Variants in TTC28 observed in about 807,000 individuals in gnomAD.
The protein encoded by TTC28 is tetratricopeptide repeat domain 28.
A neutral mutation model predicts 198.0 loss-of-function variants in TTC28; 61 were observed. That is an observed-to-expected ratio of 0.31 (90% CI 0.25 to 0.38). The LOEUF (loss-of-function observed/expected upper bound fraction) is 0.38. Ranked by LOEUF, TTC28 falls within the 10% of genes least tolerant of loss-of-function variation. The pLI is 1.00. For synonymous variants in TTC28, 1,171 were observed against 1,297.8 expected, an observed-to-expected ratio of 0.90 and a Z score of 2.10; for missense variants, 2,678 against 3,164.0, an observed-to-expected ratio of 0.85 and a Z score of 3.69.
chr22:28,539,095 T>G (rs991954344), intron 2 of TTC28, among the ~76,000 whole-genome samples: 13 of 152,152 alleles, frequency 8.5e-5, no homozygotes. Context: ...CAGTCCTGCC[T>G]GAGGTCAAGT....
chr22:28,513,393 T>C (rs1057387172), intron 2 of TTC28, among the ~76,000 whole-genome samples: 1 of 152,180 alleles, frequency 6.6e-6, no homozygotes, highest in Non-Finnish European at 1.5e-5. Flanking sequence ...GGAAGTGGTA[T>C]ATTGACTTTT....
intron 2 of TTC28, among the ~76,000 whole-genome samples, chr22:28,365,645 T>C (rs1221627003): frequency 6.6e-6 from 1 of 152,252 alleles, no homozygotes; most frequent in East Asian, 1.9e-4. Flanking sequence ...TTGTTCTCTT[T>C]GGTGAAGCCC....
chr22:28,603,902 C>T (rs12166245), intron 2 of TTC28, among the ~76,000 whole-genome samples: 20,757 of 152,002 alleles, frequency 0.14, 1,661 homozygotes, highest in African/African-American at 0.2. Flanking sequence ...TTAGTATTAG[C>T]AATACTTCAA....
rs1172915356 is a variant in TTC28 at position 27,983,636 on chromosome 22, C to G, written c.6031G>C (p.Gly2011Arg). ...SMSFVSKPEG[G>R]SEGGGPGGRQ... ...CCTCCGGGGCCTCCACCCTCTGATC[C>G]ACCCTCGGGTTTGGAGACAAAGCTC... Residue 2011 changes from glycine to arginine, a missense_variant, in exon 23 of 23, where the codon GGA (glycine) becomes CGA (arginine). Transcript: ENST00000397906. 1.3e-6 allele frequency: 2 copies of G among 1,542,024 alleles called. No homozygotes were observed. The highest frequency in any genetic ancestry group is 1.8e-6 in the Non-Finnish European group (2 of 1,142,510).
chr22:28,068,145 C>A (rs1008998909), intron 12 of TTC28, among the ~76,000 whole-genome samples: 4 of 152,112 alleles, frequency 2.6e-5, no homozygotes, highest in African/African-American at 9.7e-5. Flanking sequence ...TTTTCATGAG[C>A]CTTGACAGAG....
chr22:28,063,906 G>A (rs1169025432), intron 12 of TTC28, among the ~76,000 whole-genome samples: 3 of 152,164 alleles, frequency 2.0e-5, no homozygotes, highest in Non-Finnish European at 4.4e-5. Flanking sequence ...GCTGATGTGA[G>A]GACCCATGAA....
chr22:28,131,411 C>G (rs2146963853), intron 6 of TTC28, among the ~76,000 whole-genome samples: 1 of 152,228 alleles, frequency 6.6e-6, no homozygotes, highest in South Asian at 2.1e-4. Flanking sequence ...AAACAAAATA[C>G]AATATCCAGA....
At chr22:28,095,889 A>G (rs1371687205) in intron 11 of TTC28, among the ~76,000 whole-genome samples, 1 of 152,226 alleles carries the variant, frequency 6.6e-6, no homozygotes, top group Non-Finnish European at 1.5e-5. Context: ...TAGCTAATGA[A>G]CAACAGCTGC....
chr22:28,169,570 A>G (rs555233462), intron 5 of TTC28, among the ~76,000 whole-genome samples: 1 of 152,276 alleles, frequency 6.6e-6, no homozygotes, highest in South Asian at 2.1e-4. Context: ...TATCGCAAGG[A>G]CAAAAAACCA....
At chr22:28,271,926 T>C (rs532538760) in intron 5 of TTC28, among the ~76,000 whole-genome samples, 37 of 152,072 alleles carry the variant, frequency 2.4e-4, no homozygotes, top group Admixed American at 7.2e-4. Flanking sequence ...TATAAGGGTT[T>C]CCCCTTTTGC....
intron 1 of TTC28, among the ~76,000 whole-genome samples, chr22:28,672,846 A>G (rs1265560314): frequency 1.3e-5 from 2 of 152,244 alleles, no homozygotes; most frequent in Admixed American, 6.5e-5. Flanking sequence ...ACCCTTTTTC[A>G]TCATAGCTAT....
intron 5 of TTC28, among the ~76,000 whole-genome samples, chr22:28,246,707 A>G (rs965480511): frequency 6.6e-6 from 1 of 152,180 alleles, no homozygotes; most frequent in African/African-American, 2.4e-5. Flanking sequence ...AACAGACCGA[A>G]GACCACAATC....
At chr22:28,586,806 T>C (rs140979129) in intron 2 of TTC28, among the ~76,000 whole-genome samples, 2 of 152,356 alleles carry the variant, frequency 1.3e-5, no homozygotes, top group Non-Finnish European at 2.9e-5. Flanking sequence ...ATATTTTTTA[T>C]ATGAGATCAA....
intron 5 of TTC28, among the ~76,000 whole-genome samples, chr22:28,259,045 A>G (rs1344062589): frequency 2.1e-4 from 32 of 152,136 alleles, no homozygotes; most frequent in Admixed American, 2.1e-3. Context: ...GGTAGTGGGA[A>G]GCTAGAGAAA....
chr22:28,549,742 AC>A (rs1272328388), intron 2 of TTC28, among the ~76,000 whole-genome samples: 1 of 152,230 alleles, frequency 6.6e-6, no homozygotes, highest in Non-Finnish European at 1.5e-5. Flanking sequence ...GTGGTTATAT[AC>A]TTTTTACAGT....
chr22:27,990,845 A>T, intron 19 of TTC28, 33 bp from the exon 20 acceptor site: 1 of 1,542,970 alleles, frequency 6.5e-7, no homozygotes, highest in Non-Finnish European at 8.7e-7. Flanking sequence ...AAAAGAAAGA[A>T]AGAGAGAAAG....
chr22:28,278,020 C>T (rs987640043), intron 5 of TTC28, among the ~76,000 whole-genome samples: 1 of 152,106 alleles, frequency 6.6e-6, no homozygotes, highest in Non-Finnish European at 1.5e-5. Flanking sequence ...AATGATGCTG[C>T]AGTCTCTGAT....
At chr22:28,349,231 A>G (rs561593133) in intron 2 of TTC28, among the ~76,000 whole-genome samples, 1 of 152,342 alleles carries the variant, frequency 6.6e-6, no homozygotes, top group East Asian at 1.9e-4. Flanking sequence ...AAGGCCATGT[A>G]GCCAGAGGTC....
chr22:28,064,085 G>A (rs531806449), intron 12 of TTC28, among the ~76,000 whole-genome samples: 3 of 152,286 alleles, frequency 2.0e-5, no homozygotes, highest in African/African-American at 7.2e-5. Flanking sequence ...TATGAAATAG[G>A]ATAAGCATGG....
Sources: gnomAD v4.1 joint callset for allele counts (sites outside exome capture counted in the v4.1 genomes callset) on GRCh38, gnomAD v4.1.1 for gene constraint, MANE v1.5 for transcripts, NCBI Gene and HGNC (gene_info 2026-07-23, HGNC 2026-07-21) for gene names.